Variants in STK3 observed in about 807,000 individuals in gnomAD.
The protein encoded by STK3 is serine/threonine-protein kinase 3.
Under a neutral mutation model 58.0 loss-of-function variants are expected in STK3, and 41 were observed. The ratio of observed to expected loss-of-function variants is 0.71; its 90% confidence interval spans 0.55 to 0.92. The LOEUF (loss-of-function observed/expected upper bound fraction) is 0.92, where lower values mean the gene tolerates loss of function less well. STK3 is among the 40% of genes least tolerant of loss of function. The probability of loss-of-function intolerance (pLI) is 0.00; values close to 1 mark genes in which losing one functional copy is unlikely to be tolerated. For synonymous variants in STK3, 170 were observed against 191.0 expected (o/e 0.89, Z 0.91); for missense variants, 479 against 602.7 (o/e 0.79, Z 2.15).
chr8:98,829,785 A>C (rs961101926), upstream of STK3, among the ~76,000 whole-genome samples: 5 of 152,238 alleles, frequency 3.3e-5, no homozygotes, highest in African/African-American at 1.2e-4. Context: ...CAGTAAAGAA[A>C]AGAGACAAAT....
chr8:98,878,958 G>C (rs1272391766), downstream of STK3: 1 of 143,424 alleles, frequency 7.0e-6, no homozygotes, highest in Non-Finnish European at 1.5e-5. Flanking sequence ...GAGTGCAGTG[G>C]TGCGATTTCT....
chr8:98,788,748 G>A lies in STK3; in HGVS notation c.27-13929C>T, dbSNP rs188990383. ...CCTAAATATATATGCACCTAACACT[G>A]GAGCTCCCAAATTTATAAAACAATT... On this transcript the variant is annotated intron_variant, in intron 1 of 10. Coordinates refer to ENST00000419617, the MANE Select transcript of STK3 (RefSeq NM_006281.4). Among the ~76,000 whole-genome samples the A allele has an allele frequency of 5.8e-3, 884 of 152,184 alleles. 11 individuals carry two copies. The highest frequency in any genetic ancestry group is 0.019 in the African/African-American group (802 of 41,532).
chr8:98,625,599 C>T (rs1240235103), intron 6 of STK3, among the ~76,000 whole-genome samples: 2 of 152,046 alleles, frequency 1.3e-5, no homozygotes, highest in African/African-American at 4.8e-5. Context: ...CTGATTATGC[C>T]TTTTCATAAT....
At position 98,934,461 on chromosome 8, in the gene STK3, C is replaced by T. The variant is rs138804015; in HGVS notation, c.-79+7917G>A. Among the ~76,000 whole-genome samples the T allele has an allele frequency of 1.4e-4, 22 of 152,294 alleles. No individual in the cohort carries two copies. In the East Asian group the frequency reaches 3.9e-3, roughly 27 times the overall value. ...GAAAGCTGCATATCGGAAGCCACAA[C>T]TAAGAGTGAACAAAAAGGGGCAAGT... On this transcript the variant is annotated intron_variant, in intron 1 of 1. Coordinates refer to the STK3 transcript ENST00000519420.
chr8:98,462,493 T>A (rs1820075116), intron 10 of STK3, among the ~76,000 whole-genome samples: 1 of 152,194 alleles, frequency 6.6e-6, no homozygotes, highest in Non-Finnish European at 1.5e-5. Flanking sequence ...ATAGAGTGTT[T>A]TACTCATCTC....
chr8:98,865,228 A>G (rs1837090039), intron 3 of STK3, among the ~76,000 whole-genome samples: 1 of 152,164 alleles, frequency 6.6e-6, no homozygotes, highest in Non-Finnish European at 1.5e-5. Context: ...TGTCTCTACA[A>G]AAACTTTCTT....
intron 6 of STK3, among the ~76,000 whole-genome samples, chr8:98,645,059 T>C (rs1159931592): frequency 3.3e-5 from 5 of 152,192 alleles, no homozygotes; most frequent in South Asian, 2.1e-4. Context: ...CAAAGACCAA[T>C]TAGAACAGTT....
At chr8:98,584,812 C>CATA (rs1436715875) in intron 7 of STK3, among the ~76,000 whole-genome samples, 1 of 149,272 alleles carries the variant, frequency 6.7e-6, no homozygotes, top group Non-Finnish European at 1.5e-5. Flanking sequence ...GAGATGGTAT[C>CATA]TCATTGTGGT....
intron 1 of STK3, among the ~76,000 whole-genome samples, chr8:98,787,246 A>G (rs1362963144): frequency 6.6e-6 from 1 of 151,218 alleles, no homozygotes; most frequent in East Asian, 1.9e-4. Context: ...AAATAAAAAA[A>G]CTTCAGGAAA....
At chr8:98,396,322 A>G (rs1305986186) in intron 3 of STK3, among the ~76,000 whole-genome samples, 2 of 152,226 alleles carry the variant, frequency 1.3e-5, no homozygotes, top group African/African-American at 2.4e-5. Context: ...AATTCAACAT[A>G]TTGCCCTAAG....
At chr8:98,628,960 G>A (rs541908888) in intron 6 of STK3, among the ~76,000 whole-genome samples, 69 of 152,260 alleles carry the variant, frequency 4.5e-4, no homozygotes, top group African/African-American at 1.5e-3. Context: ...CTATATAGGG[G>A]GATGTTGAGA....
At chr8:98,659,508 CT>C (rs113528602) in intron 6 of STK3, among the ~76,000 whole-genome samples, 2,591 of 144,752 alleles carry the variant, frequency 0.018, 70 homozygotes, top group African/African-American at 0.056. Context: ...AATTACTTAA[CT>C]TTTTTTTTTT....
At chr8:98,835,615 C>T (rs1835718140) in intron 3 of STK3, among the ~76,000 whole-genome samples, 1 of 152,214 alleles carries the variant, frequency 6.6e-6, no homozygotes, top group Admixed American at 6.5e-5. Context: ...TACCGAGTGC[C>T]CGCATTGAGA....
chr8:98,750,711 C>T (rs1456271669), intron 3 of STK3, among the ~76,000 whole-genome samples: 1 of 151,946 alleles, frequency 6.6e-6, no homozygotes, highest in African/African-American at 2.4e-5. Context: ...GAAACTATTT[C>T]AAAAAATTGA....
rs372281667 is a variant in STK3, at chr8:98,788,363, A to G, written c.27-13544T>C. On this transcript the variant is annotated intron_variant, in intron 1 of 10. Coordinates refer to ENST00000419617, the MANE Select transcript of STK3 (RefSeq NM_006281.4). The stretch of plus-strand genomic sequence containing the variant: ...TGAGACAGGAGAACTGCTTGAACCC[A>G]GGAGGCGGAAGTTGCAGTGAGCCCT... Among the ~76,000 whole-genome samples, 1,315 of 152,130 alleles carry G rather than the reference A, an allele frequency of 8.6e-3. 10 individuals carry two copies. The highest frequency in any genetic ancestry group is 0.03 in the African/African-American group (1,240 of 41,510).
intron 6 of STK3, chr8:98,633,644 T>C: frequency 2.8e-6 from 2 of 720,726 alleles, no homozygotes; most frequent in South Asian, 1.5e-5. Flanking sequence ...TGGCGTTTAA[T>C]AAGGAACTTG....
chr8:98,754,803 C>T (rs1830189847), intron 3 of STK3, among the ~76,000 whole-genome samples: 1 of 151,464 alleles, frequency 6.6e-6, no homozygotes, highest in African/African-American at 2.4e-5. Flanking sequence ...AACCACCATG[C>T]CCGCCAAAAA....
intron 4 of STK3, among the ~76,000 whole-genome samples, chr8:98,708,399 A>T (rs1826129812): frequency 6.6e-6 from 1 of 152,260 alleles, no homozygotes; most frequent in East Asian, 1.9e-4. Flanking sequence ...CTTCTGCGAG[A>T]AGCTCCTACA....
chr8:98,607,431 A>G (rs1302446354), intron 6 of STK3, among the ~76,000 whole-genome samples: 1 of 152,252 alleles, frequency 6.6e-6, no homozygotes, highest in Non-Finnish European at 1.5e-5. Context: ...CAAAACTGTA[A>G]TCATTGTATT....
Sources: allele counts gnomAD v4.1 joint callset (sites outside exome capture counted in the v4.1 genomes callset), GRCh38; gene constraint gnomAD v4.1.1; transcripts MANE v1.5; gene names NCBI Gene and HGNC (gene_info 2026-07-23, HGNC 2026-07-21).